The following REEP1 variants were observed in gnomAD, a reference collection of about 807,000 sequenced individuals.
REEP1 encodes the protein receptor accessory protein 1.
In REEP1, 22 loss-of-function variants were observed where a neutral mutation model predicts 40.3. The observed-to-expected ratio is 0.55, with a 90% CI of 0.39 to 0.78. REEP1 has a LOEUF of 0.78. Among genes scored for constraint, REEP1 ranks in the 30% least tolerant of loss-of-function variants. The probability of loss-of-function intolerance (pLI) is 0.00; values close to 1 mark genes in which losing one functional copy is unlikely to be tolerated. For synonymous variants in REEP1, 116 were observed against 139.2 expected (o/e 0.83, Z 1.17); for missense variants, 280 against 361.1 (o/e 0.78, Z 1.82).
intron 1 of REEP1, among the ~76,000 whole-genome samples, chr2:86,300,280 G>C (rs781531760): frequency 6.6e-6 from 1 of 152,022 alleles, no homozygotes; most frequent in Non-Finnish European, 1.5e-5. Context: ...CCATCGACAG[G>C]TCCTGCCCTC....
intron 2 of REEP1, among the ~76,000 whole-genome samples, chr2:86,273,676 A>G (rs1265295669): frequency 6.6e-6 from 1 of 152,214 alleles, no homozygotes; most frequent in Non-Finnish European, 1.5e-5. Flanking sequence ...TCAGTTCTCA[A>G]CAAAGCATCT....
At chr2:86,301,959 C>T (rs1679272161) in intron 1 of REEP1, among the ~76,000 whole-genome samples, 1 of 152,220 alleles carries the variant, frequency 6.6e-6, no homozygotes, top group African/African-American at 2.4e-5. Flanking sequence ...ATGACCTCCC[C>T]CCACCATGAC....
intron 5 of REEP1, among the ~76,000 whole-genome samples, chr2:86,238,839 C>G (rs1675505354): frequency 6.6e-6 from 1 of 152,162 alleles, no homozygotes; most frequent in Admixed American, 6.5e-5. Context: ...TTTGTCACCA[C>G]TGAGAGCGGC....
At chr2:86,291,734 C>T (rs1558918745) in intron 1 of REEP1, among the ~76,000 whole-genome samples, 1 of 152,202 alleles carries the variant, frequency 6.6e-6, no homozygotes, top group South Asian at 2.1e-4. Context: ...CCTGTCTCCA[C>T]GTCCCTGGCC....
intron 5 of REEP1, among the ~76,000 whole-genome samples, chr2:86,244,022 G>A (rs1351259438): frequency 2.0e-5 from 3 of 152,150 alleles, no homozygotes; most frequent in Non-Finnish European, 4.4e-5. Flanking sequence ...TCCGTCCTTG[G>A]AAATATCTCC....
At position 86,245,272 on chromosome 2, in the gene REEP1, C is replaced by G. The variant is rs1574025187; in HGVS notation, c.417+6685G>C. Reference sequence around the variant, plus strand: ...ATATGGGACAATAAGTTGTGGAAAGCCACAAGAGGCCTCTAAGGAGGAAAG... The same window carrying G: ...ATATGGGACAATAAGTTGTGGAAAGGCACAAGAGGCCTCTAAGGAGGAAAG... On this transcript the variant is annotated intron_variant, in intron 5 of 8. Transcript: ENST00000538924. Among the ~76,000 whole-genome samples, 3 of 152,282 alleles carry G rather than the reference C, an allele frequency of 2.0e-5. No homozygotes were observed. In the South Asian group the frequency reaches 6.2e-4, roughly 32 times the overall value.
At chr2:86,235,854 G>C (rs190336799) in intron 5 of REEP1, among the ~76,000 whole-genome samples, 39 of 152,286 alleles carry the variant, frequency 2.6e-4, no homozygotes, top group African/African-American at 8.7e-4. Context: ...GGAAATTATA[G>C]TGGCATAGAT....
chr2:86,269,984 A>G (rs1471484236), intron 2 of REEP1, among the ~76,000 whole-genome samples: 1 of 152,170 alleles, frequency 6.6e-6, no homozygotes, highest in Non-Finnish European at 1.5e-5. Context: ...AAACTCAACA[A>G]TAAGAAAACA....
At chr2:86,220,188 C>T in intron 7 of REEP1, 67 bp from the exon 8 acceptor site, 1 of 1,119,204 alleles carries the variant, frequency 8.9e-7, no homozygotes, top group Non-Finnish European at 1.1e-6. Context: ...GTGCAGGGAG[C>T]AGGGAAGGGC....
At position 86,282,250 on chromosome 2, in the gene REEP1, G is replaced by T. The variant is rs766647344; in HGVS notation, c.33-8C>A. 3.1e-6 allele frequency: 5 copies of T among 1,589,958 alleles called. No individual in the cohort carries two copies. The Admixed American group carries it at 6.7e-5, about 21-fold the overall frequency. On this transcript the variant is annotated splice_polypyrimidine_tract_variant and splice_region_variant and intron_variant, in intron 1 of 8. Coordinates refer to ENST00000538924, the MANE Select transcript of REEP1 (RefSeq NM_001371279.1). ...AGGGTGCCAAATATAAGCCTGGAGG[G>T]AAGAGAGACAAAAATAAATACGATT... is the stretch of plus-strand genomic sequence containing the variant.
chr2:86,315,491 G>A (rs572103170), intron 1 of REEP1, among the ~76,000 whole-genome samples: 6 of 152,202 alleles, frequency 3.9e-5, no homozygotes, highest in Non-Finnish European at 7.3e-5. Context: ...GAAATGCTGT[G>A]AGGCAAAACT....
intron 1 of REEP1, among the ~76,000 whole-genome samples, chr2:86,317,721 T>C (rs1170930497): frequency 6.6e-6 from 1 of 152,226 alleles, no homozygotes; most frequent in Non-Finnish European, 1.5e-5. Flanking sequence ...ATCATCACTT[T>C]CATTAAATCC....
In REEP1 at chr2:86,337,548, C is replaced by A. The variant is rs1681110527; in HGVS notation, c.-38G>T. ...GGCGGGCGAGGCCCGGGCGGCGCGG[C>A]TCGGCTAGGCTGCGGGCGGCGCGGG... On this transcript the variant is annotated 5_prime_UTR_variant, in exon 1 of 9. Coordinates refer to ENST00000538924, the MANE Select transcript of REEP1 (RefSeq NM_001371279.1). The surrounding 1 kb of genome is among the most constrained non-coding windows in gnomAD (Gnocchi z 5.8). The A allele has an allele frequency of 1.6e-6, 2 of 1,224,008 alleles. No individual in the cohort carries two copies. Among genetic ancestry groups the A allele is most frequent in the Admixed American group, 8.9e-5 (2 of 22,496 alleles). The allele number at this position is 1,224,008 out of a possible 1,614,324, so 75.8% of individuals were successfully genotyped here.
intron 2 of REEP1, among the ~76,000 whole-genome samples, chr2:86,276,819 T>A (rs560121199): frequency 6.6e-6 from 1 of 152,304 alleles, no homozygotes; most frequent in African/African-American, 2.4e-5. Flanking sequence ...TGGGAGCCTG[T>A]TAGAAATGCA....
At chr2:86,266,595 C>T (rs576439194) in intron 2 of REEP1, among the ~76,000 whole-genome samples, 190 of 150,374 alleles carry the variant, frequency 1.3e-3, no homozygotes, top group African/African-American at 4.4e-3. Context: ...GTCCGCAGTC[C>T]GGCCTGGGCG....
intron 1 of REEP1, among the ~76,000 whole-genome samples, chr2:86,302,444 T>C (rs1679294434): frequency 6.6e-6 from 1 of 152,238 alleles, no homozygotes; most frequent in Admixed American, 6.5e-5. Flanking sequence ...TGGCACAGTC[T>C]GGGGAGACAA....
chr2:86,319,446 A>G (rs554368611), intron 1 of REEP1, among the ~76,000 whole-genome samples: 124 of 95,880 alleles, frequency 1.3e-3, no homozygotes, highest in South Asian at 9.6e-3. Flanking sequence ...GGCGGGGCAG[A>G]GTGGCTCACT....
intron 1 of REEP1, among the ~76,000 whole-genome samples, chr2:86,317,350 A>G (rs1020081057): frequency 6.6e-6 from 1 of 152,204 alleles, no homozygotes. Flanking sequence ...GTGTGGAATT[A>G]GAGTTGAATT....
At chr2:86,274,853 C>T (rs1259374907) in intron 2 of REEP1, among the ~76,000 whole-genome samples, 1 of 152,172 alleles carries the variant, frequency 6.6e-6, no homozygotes, top group African/African-American at 2.4e-5. Context: ...CCCTCAGCCA[C>T]AGCAAGAAGC....
Sources: allele counts gnomAD v4.1 joint callset (sites outside exome capture counted in the v4.1 genomes callset), GRCh38; gene constraint gnomAD v4.1.1; non-coding constraint Gnocchi (gnomAD v3.1); transcripts MANE v1.5; gene names NCBI Gene and HGNC (gene_info 2026-07-23, HGNC 2026-07-21).